The following KIF3A variants were observed in gnomAD, a reference collection of about 807,000 sequenced individuals.
KIF3A encodes kinesin-like protein KIF3A.
KIF3A carries 27 observed loss-of-function variants against 92.6 expected under a neutral mutation model. The observed-to-expected ratio is 0.29, with a 90% confidence interval of 0.21 to 0.40. The LOEUF (loss-of-function observed/expected upper bound fraction) is 0.40, where lower values mean the gene tolerates loss of function less well. Among genes scored for constraint, KIF3A ranks in the 10% least tolerant of loss-of-function variants. The probability of loss-of-function intolerance (pLI) is 1.00; values close to 1 mark genes in which losing one functional copy is unlikely to be tolerated. For synonymous variants in KIF3A, 250 were observed against 275.4 expected, an observed-to-expected ratio of 0.91 and a Z score of 0.92; for missense variants, 581 against 872.6, an observed-to-expected ratio of 0.67 and a Z score of 4.21.
At chr5:132,730,390 C>T (rs757508291) in intron 2 of KIF3A, among the ~76,000 whole-genome samples, 16 of 151,346 alleles carry the variant, frequency 1.1e-4, no homozygotes, top group Admixed American at 2.0e-4. Flanking sequence ...CGCTGGAACC[C>T]GGGGAAGCAG....
intron 8 of KIF3A, 142 bp from the exon 9 acceptor site, chr5:132,711,199 T>C: frequency 2.9e-6 from 2 of 684,192 alleles, no homozygotes; most frequent in Non-Finnish European, 5.1e-6. Flanking sequence ...TCCTAGAAAG[T>C]ATAACAGATA....
chr5:132,696,639 G>T lies in KIF3A; in HGVS notation c.2176C>A (p.Gln726Lys). The T allele has an allele frequency of 3.1e-6, 5 of 1,599,912 alleles. No homozygotes were observed. The highest frequency in any genetic ancestry group is 1.7e-6 in the Non-Finnish European group (2 of 1,167,394). Reference protein sequence around the residue: ...KPETVIDSLLQ With the variant: ...KPETVIDSLLK ...TGACTTTAAGTCTGTAACATTTACT[G>T]CAGTAAAGAGTCAATTACAGTTTCA... The change falls in exon 19 of 19, where the codon CAG becomes AAG. Residue 726 changes from glutamine (Q) to lysine (K), a missense_variant. By Grantham distance (53) the Gln-to-Lys change is moderately conservative. This residue lies in a region of KIF3A where 112 missense variants were observed against 144.3 expected (regional missense o/e 0.78). Transcript: ENST00000403231.
chr5:132,734,261 T>A lies in KIF3A; in HGVS notation c.224A>T (p.Asp75Val). Residue 75 changes from aspartate (D) to valine (V), a missense_variant, in exon 2 of 19, where the codon GAT becomes GTT. Physicochemically the swap from Asp to Val is radical, Grantham distance 152. Around this residue, in one of 5 missense-constraint regions of KIF3A, gnomAD observed 217 missense variants for 299.7 expected, o/e 0.72. Transcript: ENST00000403231. ...AGGTCTTGCAGTTAAGTTATAAACA[T>A]CAAGTTGTTTACTCTCTGGTCCAAA... is the stretch of plus-strand genomic sequence containing the variant. ...TVFGPESKQL[D>V]VYNLTARPII... 6.2e-7 allele frequency: 1 copy of A among 1,612,806 alleles called. No homozygotes were observed. The highest frequency in any genetic ancestry group is 2.2e-5 in the East Asian group (1 of 44,872).
chr5:132,721,932 T>C (rs1753838876), intron 4 of KIF3A, among the ~76,000 whole-genome samples: 1 of 152,234 alleles, frequency 6.6e-6, no homozygotes, highest in African/African-American at 2.4e-5. Context: ...TGAAATGCTT[T>C]ACACCTTTTA....
chr5:132,702,288 C>T, intron 14 of KIF3A, 76 bp from the exon 15 acceptor site: 2 of 1,438,932 alleles, frequency 1.4e-6, no homozygotes, highest in Non-Finnish European at 1.9e-6. Context: ...ACATAGGATG[C>T]TTGTCTAAGA....
chr5:132,721,313 A>G (rs1014082656), intron 4 of KIF3A: 3 of 152,214 alleles, frequency 2.0e-5, no homozygotes, highest in African/African-American at 4.8e-5. Flanking sequence ...TCTGTGAATT[A>G]CCTTATGAGA....
At chr5:132,711,123 C>G in intron 8 of KIF3A, 66 bp from the exon 9 acceptor site, 1 of 1,422,222 alleles carries the variant, frequency 7.0e-7, no homozygotes, top group Non-Finnish European at 9.9e-7. Context: ...TAGGAAATAC[C>G]TATATCAGCT....
downstream of KIF3A, among the ~76,000 whole-genome samples, chr5:132,692,267 T>TGAGGGGAGAGGATGAGA (rs1752684656): frequency 6.6e-6 from 1 of 152,084 alleles, no homozygotes; most frequent in Admixed American, 6.5e-5. Context: ...GGAGTCTACT[T>TGAGGGGAGAGGATGAGA]GAGGGGAGAG....
chr5:132,718,628 T>C (rs1201134128), intron 5 of KIF3A, among the ~76,000 whole-genome samples: 1 of 150,398 alleles, frequency 6.6e-6, no homozygotes, highest in East Asian at 2.0e-4. Flanking sequence ...TTTTTGTTGT[T>C]GTTTTGTTTT....
rs1357385123 is a variant in KIF3A, at chr5:132,737,354, G to A, written c.6+60C>T. The A allele has an allele frequency of 4.5e-6, 7 of 1,559,274 alleles. No individual in the cohort carries two copies. In the South Asian group the frequency reaches 5.9e-5, roughly 13 times the overall value. The stretch of plus-strand genomic sequence containing the variant: ...TCCGCGCCTCCATGGCAACGGCCGC[G>A]CCCCCGGGCCAGGCCGCTAGGATGA... On this transcript the variant is annotated intron_variant, in intron 1 of 18. Coordinates refer to ENST00000403231, the MANE Select transcript of KIF3A (RefSeq NM_001300791.2).
At chr5:132,708,198 C>A (rs1001206714) in intron 10 of KIF3A, among the ~76,000 whole-genome samples, 3 of 149,564 alleles carry the variant, frequency 2.0e-5, no homozygotes, top group Admixed American at 6.8e-5. Context: ...AGGAGAATGG[C>A]GTGAACCCGG....
chr5:132,710,149 A>C (rs1360255130), intron 9 of KIF3A, among the ~76,000 whole-genome samples: 1 of 152,198 alleles, frequency 6.6e-6, no homozygotes, highest in Non-Finnish European at 1.5e-5. Flanking sequence ...CTTAATTCAC[A>C]CGTGGCAACA....
At chr5:132,722,410 G>T (rs1008124049) in intron 4 of KIF3A, among the ~76,000 whole-genome samples, 1 of 152,052 alleles carries the variant, frequency 6.6e-6, no homozygotes, top group Non-Finnish European at 1.5e-5. Flanking sequence ...TTACCCTCTT[G>T]TCCTAGAATA....
chr5:132,699,142 G>T (rs754094908), intron 18 of KIF3A, 29 bp downstream of exon 18: 1 of 1,608,874 alleles, frequency 6.2e-7, no homozygotes, highest in African/African-American at 1.3e-5. Context: ...CAATGCCTTC[G>T]TTTTACCAGA....
intron 2 of KIF3A, among the ~76,000 whole-genome samples, chr5:132,729,249 A>C (rs972999028): frequency 7.2e-5 from 11 of 152,236 alleles, no homozygotes; most frequent in Admixed American, 2.0e-4. Context: ...ATGTAACTAA[A>C]CACCACCTGT....
At chr5:132,722,373 TATAACAATGG>T (rs2149912451) in intron 4 of KIF3A, among the ~76,000 whole-genome samples, 1 of 152,306 alleles carries the variant, frequency 6.6e-6, no homozygotes, top group South Asian at 2.1e-4. Context: ...AAACACAGTT[TATAACAATGG>T]ATCTCAATGG....
chr5:132,726,864 T>C (rs1170868929), intron 2 of KIF3A, among the ~76,000 whole-genome samples: 1 of 152,236 alleles, frequency 6.6e-6, no homozygotes, highest in Non-Finnish European at 1.5e-5. Flanking sequence ...ATACAGGCTC[T>C]AGAGCAGGAA....
At chr5:132,723,845 C>T (rs1361291505) in intron 4 of KIF3A, 2 of 152,092 alleles carry the variant, frequency 1.3e-5, no homozygotes. Context: ...AAGAAACTAC[C>T]ATCAGAGTGA....
At chr5:132,730,187 C>G (rs1490799172) in intron 2 of KIF3A, among the ~76,000 whole-genome samples, 1 of 152,226 alleles carries the variant, frequency 6.6e-6, no homozygotes, top group African/African-American at 2.4e-5. Context: ...AAAAAACTGG[C>G]TGGGCACGGT....
Sources: allele counts gnomAD v4.1 joint callset (sites outside exome capture counted in the v4.1 genomes callset), GRCh38; gene constraint gnomAD v4.1.1; regional missense constraint gnomAD v4.1.1; transcripts MANE v1.5; gene names NCBI Gene and HGNC (gene_info 2026-07-23, HGNC 2026-07-21).